Variants in UBE3A observed in about 807,000 individuals in gnomAD.
UBE3A encodes ubiquitin protein ligase E3A, also known as ubiquitin-protein ligase E3A.
UBE3A carries 6 observed loss-of-function variants against 83.4 expected under a neutral mutation model. The observed-to-expected ratio is 0.07, with a 90% confidence interval of 0.04 to 0.14. UBE3A has a LOEUF of 0.14. Ranked by LOEUF, UBE3A falls within the 10% of genes least tolerant of loss-of-function variation. UBE3A has a pLI of 1.00. For missense variants in UBE3A, 456 were observed against 1,036.1 expected (o/e 0.44, Z 7.69); for synonymous variants, 337 against 355.4 (o/e 0.95, Z 0.58).
intron 4 of UBE3A, among the ~76,000 whole-genome samples, chr15:25,381,536 G>C (rs1052806774): frequency 3.3e-5 from 5 of 152,170 alleles, no homozygotes; most frequent in East Asian, 1.9e-4. Flanking sequence ...TAAGTAGAGT[G>C]ACCTTTATAT....
chr15:25,364,004 C>A (rs2078578706), intron 6 of UBE3A, among the ~76,000 whole-genome samples: 1 of 149,926 alleles, frequency 6.7e-6, no homozygotes, highest in South Asian at 2.1e-4. Context: ...TCAGCCTGGG[C>A]AACATGATGA....
At chr15:25,384,389 G>A (rs2082719763) in intron 4 of UBE3A, among the ~76,000 whole-genome samples, 1 of 150,638 alleles carries the variant, frequency 6.6e-6, no homozygotes, top group South Asian at 2.1e-4. Context: ...TTGAATTTGG[G>A]AGGCAGAGGT....
At chr15:25,395,472 G>C (rs756335645) in intron 4 of UBE3A, among the ~76,000 whole-genome samples, 2 of 152,126 alleles carry the variant, frequency 1.3e-5, no homozygotes, top group Non-Finnish European at 2.9e-5. Context: ...TATTTGGAAG[G>C]TGTAGCCAAC....
intron 1 of UBE3A, among the ~76,000 whole-genome samples, chr15:25,435,250 AC>A (rs1225279321): frequency 1.3e-5 from 2 of 152,148 alleles, no homozygotes; most frequent in African/African-American, 4.8e-5. Flanking sequence ...ACACACACAC[AC>A]ACACACACAA....
intron 4 of UBE3A, among the ~76,000 whole-genome samples, chr15:25,388,928 T>C (rs1197759701): frequency 6.6e-6 from 1 of 152,116 alleles, no homozygotes; most frequent in East Asian, 1.9e-4. Flanking sequence ...ACAAGATATA[T>C]GAGGAAAAAT....
chr15:25,347,681 C>T (rs1595480214), intron 11 of UBE3A, among the ~76,000 whole-genome samples: 2 of 152,246 alleles, frequency 1.3e-5, no homozygotes, highest in Middle Eastern at 3.4e-3. Context: ...GCCTGGGCAA[C>T]AGAGCGAGAC....
intron 1 of UBE3A, among the ~76,000 whole-genome samples, chr15:25,427,757 A>G (rs1172677289): frequency 7.3e-6 from 1 of 137,908 alleles, no homozygotes; most frequent in Non-Finnish European, 1.5e-5. Context: ...ATGGCACTGC[A>G]CTCCAGCCTG....
At chr15:25,367,210 TATG>T in intron 6 of UBE3A, among the ~76,000 whole-genome samples, 2 of 93,102 alleles carry the variant, frequency 2.1e-5, no homozygotes, top group South Asian at 5.3e-4. Flanking sequence ...TATTTGTAAA[TATG>T]TAAATATTTA....
At chr15:25,388,377 C>T (rs1010376940) in intron 4 of UBE3A, among the ~76,000 whole-genome samples, 1 of 152,134 alleles carries the variant, frequency 6.6e-6, no homozygotes, top group Non-Finnish European at 1.5e-5. Context: ...AATCACATGA[C>T]CATACCATAG....
intron 11 of UBE3A, among the ~76,000 whole-genome samples, chr15:25,352,356 C>T (rs2076630327): frequency 6.6e-6 from 1 of 151,836 alleles, no homozygotes; most frequent in Admixed American, 6.6e-5. Context: ...ACAGGCATAC[C>T]CCAGAGATAC....
intron 6 of UBE3A, among the ~76,000 whole-genome samples, chr15:25,361,946 A>G (rs1283040503): frequency 6.6e-6 from 1 of 152,240 alleles, no homozygotes; most frequent in Non-Finnish European, 1.5e-5. Context: ...ATAAAATCTC[A>G]TAAATTAACG....
rs2073866323 is a variant in UBE3A, at chr15:25,334,528, T to C, written c.*4609A>G. On this transcript the variant is annotated 3_prime_UTR_variant, in exon 13 of 13. Coordinates refer to ENST00000648336, the MANE Select transcript of UBE3A (RefSeq NM_130839.5). ...ATCCCTATCAAGATCCCAGCTGTTT[T>C]GCAGGAATTGACACAATGATCATAT... The C allele has an allele frequency of 6.6e-6, 1 of 151,994 alleles. No homozygotes were observed. The highest frequency in any genetic ancestry group is 2.4e-5 in the African/African-American group (1 of 41,348). The allele number at this position is 151,994 out of a possible 1,614,324, so 9.4% of individuals were successfully genotyped here.
At position 25,375,325 on chromosome 15, in the gene UBE3A, C is replaced by T. The variant is rs1441853646; in HGVS notation, c.361+140G>A. ...GTAAAATGTAGTTATTATTCCTGTC[C>T]GTTACCACAATAAAAAATTGGTTCT... is the stretch of plus-strand genomic sequence containing the variant. On this transcript the variant is annotated intron_variant, in intron 5 of 12. Transcript: ENST00000648336. 3.2e-5 allele frequency: 31 copies of T among 967,868 alleles called. 1 individual carries two copies. In the Admixed American group the frequency reaches 3.6e-4, roughly 11 times the overall value. The allele number at this position is 967,868 out of a possible 1,614,324, so 60.0% of individuals were successfully genotyped here. A position where few individuals can be genotyped will look rare whatever the true frequency, so the allele number is the denominator to read the frequency against.
chr15:25,360,024 T>C (rs1008176002), intron 7 of UBE3A, among the ~76,000 whole-genome samples: 2 of 152,222 alleles, frequency 1.3e-5, no homozygotes, highest in Non-Finnish European at 2.9e-5. Context: ...CCATTGTTCT[T>C]TGAAGTTCAC....
intron 4 of UBE3A, among the ~76,000 whole-genome samples, chr15:25,403,869 A>G (rs1352585256): frequency 1.3e-5 from 2 of 152,168 alleles, no homozygotes; most frequent in Non-Finnish European, 2.9e-5. Flanking sequence ...AAACTGTATG[A>G]TTGCACTTAT....
chr15:25,428,809 A>G (rs1372259385), intron 1 of UBE3A, among the ~76,000 whole-genome samples: 2 of 152,206 alleles, frequency 1.3e-5, no homozygotes, highest in Non-Finnish European at 2.9e-5. Flanking sequence ...TAAAGTATAC[A>G]TGGGCATATC....
chr15:25,367,793 G>T (rs1191198915), intron 6 of UBE3A, among the ~76,000 whole-genome samples: 1 of 151,950 alleles, frequency 6.6e-6, no homozygotes, highest in Admixed American at 6.6e-5. Context: ...TGCTAGTCTG[G>T]TTTGAATTTC....
chr15:25,339,099 TCCTTCC>T lies in UBE3A; in HGVS notation c.*32_*37del. 2.0e-6 allele frequency: 3 copies of T among 1,490,652 alleles called. No homozygotes were observed. Among genetic ancestry groups the T allele is most frequent in the Admixed American group, 2.7e-5 (1 of 37,312 alleles). 92.3% of individuals were successfully genotyped at this position (1,490,652 alleles called of 1,614,324 possible). A position where few individuals can be genotyped will look rare whatever the true frequency, so the allele number is the denominator to read the frequency against. ...ATTTTTTAAATTTTTTCTTTTTTTT[TCCTTCC>T]TTTTTTTTGTTTTATTTTGTTTTGT... is the stretch of plus-strand genomic sequence containing the variant. On this transcript the variant is annotated 3_prime_UTR_variant, in exon 13 of 13. Transcript: ENST00000648336.
chr15:25,399,249 G>A (rs1039244021), intron 4 of UBE3A, among the ~76,000 whole-genome samples: 4 of 151,800 alleles, frequency 2.6e-5, no homozygotes, highest in Non-Finnish European at 4.4e-5. Context: ...CCTGTGCTTC[G>A]AGGGGGTCAT....
Sources: allele counts gnomAD v4.1 joint callset (sites outside exome capture counted in the v4.1 genomes callset), GRCh38; gene constraint gnomAD v4.1.1; transcripts MANE v1.5; gene names NCBI Gene and HGNC (gene_info 2026-07-23, HGNC 2026-07-21).